Variants in ETFA observed in about 807,000 individuals in gnomAD.
ETFA encodes electron transfer flavoprotein subunit alpha.
Under a neutral mutation model 46.2 loss-of-function variants are expected in ETFA, and 22 were observed. The ratio of observed to expected loss-of-function variants is 0.48; its 90% CI spans 0.34 to 0.68. ETFA has a LOEUF of 0.68. ETFA is among the 30% of genes least tolerant of loss of function. ETFA has a pLI of 0.01. For synonymous variants in ETFA, 131 were observed against 139.9 expected, an observed-to-expected ratio of 0.94 and a Z score of 0.45; for missense variants, 345 against 401.1, an observed-to-expected ratio of 0.86 and a Z score of 1.19.
At chr15:76,267,737 A>C (rs953979759) in intron 9 of ETFA, among the ~76,000 whole-genome samples, 8 of 152,242 alleles carry the variant, frequency 5.3e-5, no homozygotes, top group Non-Finnish European at 7.3e-5. Flanking sequence ...AAGTTTTTAA[A>C]TTTATAAAAA....
intron 9 of ETFA, among the ~76,000 whole-genome samples, chr15:76,241,840 C>CA (rs1190992403): frequency 6.7e-4 from 51 of 75,984 alleles, no homozygotes; most frequent in African/African-American, 1.8e-3. Context: ...ATTTGACTAT[C>CA]AAATTTTTTT....
intron 8 of ETFA, among the ~76,000 whole-genome samples, chr15:76,279,328 T>C (rs2039625461): frequency 6.6e-6 from 1 of 152,118 alleles, no homozygotes; most frequent in Non-Finnish European, 1.5e-5. Flanking sequence ...CAGGCTGGAG[T>C]GCAGTGGCAT....
intron 7 of ETFA, chr15:76,284,503 T>A: frequency 5.0e-6 from 1 of 198,166 alleles, no homozygotes; most frequent in Non-Finnish European, 9.9e-6. Context: ...TATTTATTTA[T>A]TTTTTAGGAG....
intron 9 of ETFA, among the ~76,000 whole-genome samples, chr15:76,250,499 T>C (rs946689918): frequency 4.6e-5 from 7 of 152,040 alleles, no homozygotes; most frequent in African/African-American, 1.7e-4. Flanking sequence ...AAAGTAAAAA[T>C]GAAATGTCTT....
intron 9 of ETFA, among the ~76,000 whole-genome samples, chr15:76,269,418 C>G (rs1440257859): frequency 2.6e-5 from 4 of 152,186 alleles, no homozygotes; most frequent in Non-Finnish European, 5.9e-5. Flanking sequence ...CCATACGTTT[C>G]AAAGAAAATG....
intron 9 of ETFA, among the ~76,000 whole-genome samples, chr15:76,268,995 C>T (rs372767206): frequency 2.6e-5 from 4 of 152,184 alleles, no homozygotes; most frequent in Non-Finnish European, 5.9e-5. Context: ...TCACTTGAAC[C>T]TGCTCCCTAC....
chr15:76,240,104 T>C (rs1386847589), intron 9 of ETFA, among the ~76,000 whole-genome samples: 1 of 152,210 alleles, frequency 6.6e-6, no homozygotes, highest in African/African-American at 2.4e-5. Context: ...CACTGAAAAT[T>C]AATACTTTCC....
At chr15:76,224,741 G>C (rs1310428645) in intron 11 of ETFA, among the ~76,000 whole-genome samples, 2 of 152,228 alleles carry the variant, frequency 1.3e-5, no homozygotes, top group East Asian at 1.9e-4. Context: ...ACTTCTCCTA[G>C]GGTTGGATGC....
At chr15:76,232,889 G>A (rs1282710353) in intron 9 of ETFA, among the ~76,000 whole-genome samples, 1 of 152,170 alleles carries the variant, frequency 6.6e-6, no homozygotes, top group Non-Finnish European at 1.5e-5. Context: ...TCTGACAACT[G>A]TCTAGCCCCC....
At chr15:76,283,635 T>C (rs1212376175) in intron 8 of ETFA, 122 bp downstream of exon 8, 3 of 769,740 alleles carry the variant, frequency 3.9e-6, no homozygotes, top group Non-Finnish European at 6.5e-6. Context: ...AGAGAAAAAC[T>C]GAAAAATCCG....
intron 7 of ETFA, chr15:76,284,985 A>AT (rs540085952): frequency 1.0e-3 from 320 of 315,948 alleles, no homozygotes; most frequent in South Asian, 1.4e-3. Context: ...CAAAATATTA[A>AT]TTTTTTTTTC....
chr15:76,300,014 T>C (rs2039864540), intron 1 of ETFA, among the ~76,000 whole-genome samples: 1 of 152,188 alleles, frequency 6.6e-6, no homozygotes, highest in Non-Finnish European at 1.5e-5. Flanking sequence ...CCCTCCTCAA[T>C]TACTTGCATC....
At chr15:76,288,566 G>T (rs1432633694) in intron 4 of ETFA, among the ~76,000 whole-genome samples, 1 of 151,886 alleles carries the variant, frequency 6.6e-6, no homozygotes, top group African/African-American at 2.4e-5. Context: ...ATTAGCCGGG[G>T]ATGGTGGTGT....
intron 1 of ETFA, 58 bp from the exon 2 acceptor site, chr15:76,295,795 T>TTC: frequency 6.8e-7 from 1 of 1,469,690 alleles, no homozygotes; most frequent in Non-Finnish European, 9.3e-7. Flanking sequence ...GGTTTTTTTT[T>TTC]TTTTTTTTAC....
At chr15:76,301,370 C>A (rs1194784193) in intron 1 of ETFA, among the ~76,000 whole-genome samples, 1 of 152,214 alleles carries the variant, frequency 6.6e-6, no homozygotes, top group East Asian at 1.9e-4. Flanking sequence ...ACTCCAGTAT[C>A]CAGCACAGAG....
chr15:76,268,893 G>A (rs2039500230), intron 9 of ETFA, among the ~76,000 whole-genome samples: 1 of 152,168 alleles, frequency 6.6e-6, no homozygotes, highest in African/African-American at 2.4e-5. Flanking sequence ...GTTGTGTTAT[G>A]TTACTCTTAA....
intron 1 of ETFA, among the ~76,000 whole-genome samples, chr15:76,302,069 C>G (rs1323496982): frequency 6.6e-6 from 1 of 152,218 alleles, no homozygotes; most frequent in Non-Finnish European, 1.5e-5. Flanking sequence ...AACAGAAACT[C>G]TCATTCATTG....
chr15:76,261,111 G>T, intron 9 of ETFA: 1 of 1,457,842 alleles, frequency 6.9e-7, no homozygotes, highest in Non-Finnish European at 9.4e-7. Context: ...GGAAAACATG[G>T]GTGCTCTGGG....
chr15:76,288,821 T>C (rs2039727062), intron 4 of ETFA, among the ~76,000 whole-genome samples: 2 of 151,712 alleles, frequency 1.3e-5, no homozygotes, highest in Non-Finnish European at 2.9e-5. Context: ...CTTGTGCTTG[T>C]ACTGAAATAG....
Sources: allele counts gnomAD v4.1 joint callset (sites outside exome capture counted in the v4.1 genomes callset), GRCh38; gene constraint gnomAD v4.1.1; transcripts MANE v1.5; gene names NCBI Gene and HGNC (gene_info 2026-07-23, HGNC 2026-07-21).